Variants in IMMP2L observed in about 807,000 individuals in gnomAD.
The protein encoded by IMMP2L is inner mitochondrial membrane peptidase subunit 2, also known as mitochondrial inner membrane protease subunit 2.
In IMMP2L, 18 loss-of-function variants were observed where a neutral mutation model predicts 19.3. The observed-to-expected ratio is 0.93, with a 90% CI of 0.64 to 1.38. IMMP2L has a LOEUF of 1.38. Among genes scored for constraint, IMMP2L ranks in the 40% most tolerant of loss-of-function variants. IMMP2L has a pLI of 0.00. For missense variants in IMMP2L, 233 were observed against 218.2 expected (o/e 1.07, Z -0.43); for synonymous variants, 76 against 73.0 (o/e 1.04, Z -0.21).
intron 5 of IMMP2L, among the ~76,000 whole-genome samples, chr7:110,778,722 T>A (rs1157741602): frequency 6.6e-6 from 1 of 151,952 alleles, no homozygotes; most frequent in African/African-American, 2.4e-5. Flanking sequence ...GAAACACAGG[T>A]GCTTTAAGAA....
intron 3 of IMMP2L, among the ~76,000 whole-genome samples, chr7:111,152,335 C>T (rs905409841): frequency 1.3e-5 from 2 of 152,080 alleles, no homozygotes; most frequent in African/African-American, 4.8e-5. Flanking sequence ...TTTAAACCAC[C>T]TTGCCTCTTA....
intron 3 of IMMP2L, among the ~76,000 whole-genome samples, chr7:111,470,988 G>A (rs1585239004): frequency 1.3e-5 from 2 of 151,784 alleles, no homozygotes; most frequent in Admixed American, 6.6e-5. Flanking sequence ...TACAACAAAG[G>A]GCCAGAAAAC....
intron 4 of IMMP2L, among the ~76,000 whole-genome samples, chr7:110,939,064 T>G (rs1195878982): frequency 2.6e-5 from 4 of 151,990 alleles, no homozygotes; most frequent in African/African-American, 9.7e-5. Context: ...AAAATAGAGC[T>G]CCCAAAGCTG....
intron 5 of IMMP2L, among the ~76,000 whole-genome samples, chr7:110,806,696 G>T (rs1306971363): frequency 6.6e-6 from 1 of 151,886 alleles, no homozygotes; most frequent in Non-Finnish European, 1.5e-5. Flanking sequence ...TCAGATCTAT[G>T]GCTGCCAAAT....
chr7:111,279,495 A>C (rs1258681106), intron 3 of IMMP2L, among the ~76,000 whole-genome samples: 1 of 152,158 alleles, frequency 6.6e-6, no homozygotes, highest in Non-Finnish European at 1.5e-5. Context: ...GGCAGCAACT[A>C]AAAAGCTATT....
intron 5 of IMMP2L, among the ~76,000 whole-genome samples, chr7:110,866,262 C>T (rs983370322): frequency 6.6e-6 from 1 of 151,924 alleles, no homozygotes; most frequent in East Asian, 1.9e-4. Context: ...CACGAAGCCT[C>T]GGTGACAGAA....
chr7:111,085,817 C>T (rs1308778470), intron 3 of IMMP2L, among the ~76,000 whole-genome samples: 1 of 152,080 alleles, frequency 6.6e-6, no homozygotes, highest in Non-Finnish European at 1.5e-5. Flanking sequence ...TAAAAAAGAA[C>T]AAGATCATGT....
intron 3 of IMMP2L, among the ~76,000 whole-genome samples, chr7:111,046,873 G>A (rs926282715): frequency 4.6e-5 from 7 of 152,028 alleles, no homozygotes; most frequent in African/African-American, 1.7e-4. Context: ...TCGGGCATTG[G>A]GCCAAGAGCG....
In IMMP2L at chr7:110,830,994, G is replaced by A. The variant is rs188040527; in HGVS notation, c.408+55599C>T. Among the ~76,000 whole-genome samples the A allele has an allele frequency of 2.0e-5, 3 of 152,248 alleles. No homozygotes were observed. In the East Asian group the frequency reaches 5.8e-4, roughly 29 times the overall value. ...GAACTGGCTGCTCTGGGTTTCCCAA[G>A]GCCGAAATTAAAGTGTCTGCTGGCC... On this transcript the variant is annotated intron_variant, in intron 5 of 5. Transcript: ENST00000405709.
At chr7:111,225,034 C>A (rs145218365) in intron 3 of IMMP2L, among the ~76,000 whole-genome samples, 1 of 152,134 alleles carries the variant, frequency 6.6e-6, no homozygotes, top group African/African-American at 2.4e-5. Flanking sequence ...AACAGCACTC[C>A]TGGTTGTTTC....
At chr7:111,169,278 T>C (rs1216519141) in intron 3 of IMMP2L, among the ~76,000 whole-genome samples, 1 of 151,874 alleles carries the variant, frequency 6.6e-6, no homozygotes, top group Non-Finnish European at 1.5e-5. Context: ...TTCCCAACTC[T>C]TTCTCCTTCC....
At chr7:111,038,901 C>G (rs1183866866) in intron 3 of IMMP2L, among the ~76,000 whole-genome samples, 3 of 152,122 alleles carry the variant, frequency 2.0e-5, no homozygotes, top group Non-Finnish European at 4.4e-5. Context: ...GGGACGATAA[C>G]TCATTAATCA....
intron 4 of IMMP2L, among the ~76,000 whole-genome samples, chr7:110,892,662 G>T (rs953020212): frequency 6.6e-6 from 1 of 152,092 alleles, no homozygotes; most frequent in African/African-American, 2.4e-5. Context: ...GAACACTGAA[G>T]TCTCACTACT....
chr7:111,433,554 G>T (rs1185988621), intron 3 of IMMP2L, among the ~76,000 whole-genome samples: 1 of 151,730 alleles, frequency 6.6e-6, no homozygotes, highest in Non-Finnish European at 1.5e-5. Context: ...TAATTCAATT[G>T]TCTCCCACCA....
At chr7:111,338,547 A>G (rs1412704083) in intron 3 of IMMP2L, among the ~76,000 whole-genome samples, 2 of 152,140 alleles carry the variant, frequency 1.3e-5, no homozygotes, top group East Asian at 3.8e-4. Context: ...CAAGTTTATG[A>G]AAAATAAATT....
At chr7:110,974,235 C>T (rs1820459904) in intron 3 of IMMP2L, among the ~76,000 whole-genome samples, 1 of 152,038 alleles carries the variant, frequency 6.6e-6, no homozygotes, top group Non-Finnish European at 1.5e-5. Flanking sequence ...ATGGCAGAAA[C>T]TTGGGGATTT....
intron 3 of IMMP2L, among the ~76,000 whole-genome samples, chr7:111,413,637 G>GA (rs1563161273): frequency 1.3e-5 from 2 of 151,308 alleles, no homozygotes; most frequent in East Asian, 4.0e-4. Flanking sequence ...AAAAGCATGT[G>GA]GCAATAATCC....
intron 4 of IMMP2L, among the ~76,000 whole-genome samples, chr7:110,907,203 T>C (rs1349820012): frequency 6.6e-6 from 1 of 152,096 alleles, no homozygotes; most frequent in Non-Finnish European, 1.5e-5. Context: ...GCGCCCACAC[T>C]TACGGCACCC....
At chr7:111,011,664 G>A (rs1189894623) in intron 3 of IMMP2L, among the ~76,000 whole-genome samples, 3 of 152,156 alleles carry the variant, frequency 2.0e-5, no homozygotes, top group African/African-American at 7.2e-5. Context: ...AACGAATTCT[G>A]AAACCATGCT....
Sources: gnomAD v4.1 joint callset for allele counts (sites outside exome capture counted in the v4.1 genomes callset) on GRCh38, gnomAD v4.1.1 for gene constraint, MANE v1.5 for transcripts, NCBI Gene and HGNC (gene_info 2026-07-23, HGNC 2026-07-21) for gene names.